The following PRKAG2 variants were observed in gnomAD, a reference collection of about 807,000 sequenced individuals.
PRKAG2 encodes the protein protein kinase AMP-activated non-catalytic subunit gamma 2.
PRKAG2 carries 26 observed loss-of-function variants against 69.6 expected under a neutral mutation model. That is an observed-to-expected ratio of 0.37 (90% CI 0.27 to 0.52). PRKAG2 has a LOEUF of 0.52. PRKAG2 is among the 20% of genes least tolerant of loss of function. The pLI, the probability that PRKAG2 is intolerant of heterozygous loss-of-function variation, is 0.90. For missense variants in PRKAG2, 557 were observed against 740.0 expected, an observed-to-expected ratio of 0.75 and a Z score of 2.87; for synonymous variants, 293 against 285.0, an observed-to-expected ratio of 1.03 and a Z score of -0.28.
chr7:151,857,375 G>C (rs1217386304), intron 1 of PRKAG2, among the ~76,000 whole-genome samples: 1 of 141,468 alleles, frequency 7.1e-6, no homozygotes, highest in African/African-American at 2.6e-5. Context: ...TGCCCAAGGT[G>C]GACCCATCAG....
rs199963585 is a variant in PRKAG2 at position 151,781,394 on chromosome 7, C to T, written c.224G>A (p.Gly75Glu). The change falls in exon 3 of 16, where the codon GGG becomes GAG. Residue 75 changes from glycine to glutamate, a missense_variant. Physicochemically the swap from Gly to Glu is moderately conservative, Grantham distance 98. Coordinates refer to ENST00000287878, the MANE Select transcript of PRKAG2 (RefSeq NM_016203.4). This position sits in a 1 kb window ranked among gnomAD's most constrained non-coding sequence, Gnocchi z 6.1. Reference sequence around the variant, plus strand: ...GGGCTGGGGGCCTCTGGAGAAGAACCCTTTGGAGGGGCTGCCCGGGCCGAA... The same window carrying T: ...GGGCTGGGGGCCTCTGGAGAAGAACTCTTTGGAGGGGCTGCCCGGGCCGAA... ...SPFGPGSPSK[G>E]FFSRGPQPRP... The T allele has an allele frequency of 6.2e-7, 1 of 1,612,008 alleles. No individual in the cohort carries two copies. The highest frequency in any genetic ancestry group is 2.2e-5 in the East Asian group (1 of 44,826).
rs575978483 is a variant in PRKAG2, at chr7:151,576,556, A to G, written c.865-104T>C. 3.9e-4 allele frequency: 393 copies of G among 1,009,658 alleles called. 4 individuals carry two copies. In the African/African-American group the frequency reaches 5.7e-3, roughly 15 times the overall value. The allele number at this position is 1,009,658 out of a possible 1,614,324, so 62.5% of individuals were successfully genotyped here. On this transcript the variant is annotated intron_variant, in intron 6 of 15. Transcript: ENST00000287878. Reference sequence around the variant, plus strand: ...CACTCTGTTGCCCAGGCTGGAGTGCAGTGGCACCATCTTGGCTCACAGCAA... The same window carrying G: ...CACTCTGTTGCCCAGGCTGGAGTGCGGTGGCACCATCTTGGCTCACAGCAA...
chr7:151,636,234 A>T (rs1257267648), intron 4 of PRKAG2, among the ~76,000 whole-genome samples: 3 of 152,180 alleles, frequency 2.0e-5, no homozygotes, highest in Non-Finnish European at 2.9e-5. Context: ...TTTTTGGAAT[A>T]TTCAGAATTG....
intron 4 of PRKAG2, among the ~76,000 whole-genome samples, chr7:151,652,271 G>C (rs1370550575): frequency 6.6e-6 from 1 of 152,148 alleles, no homozygotes; most frequent in African/African-American, 2.4e-5. Context: ...CCGCCTATCT[G>C]TCTGAGGCTC....
intron 5 of PRKAG2, among the ~76,000 whole-genome samples, chr7:151,605,758 T>G (rs1817388309): frequency 2.0e-5 from 3 of 152,010 alleles, no homozygotes; most frequent in Admixed American, 2.0e-4. Context: ...GCCAACATGG[T>G]GAAACCCTGT....
intron 3 of PRKAG2, among the ~76,000 whole-genome samples, chr7:151,770,888 C>G (rs887240167): frequency 3.3e-5 from 5 of 152,192 alleles, no homozygotes; most frequent in African/African-American, 9.7e-5. Flanking sequence ...TAGCATTAAG[C>G]GTTGCAGAGG....
intron 4 of PRKAG2, among the ~76,000 whole-genome samples, chr7:151,660,371 T>C (rs1410217822): frequency 6.6e-6 from 1 of 152,232 alleles, no homozygotes; most frequent in African/African-American, 2.4e-5. Context: ...ACTAAAGTAC[T>C]GTATACTTAG....
chr7:151,791,608 T>G (rs991697914), intron 1 of PRKAG2, among the ~76,000 whole-genome samples: 1 of 152,230 alleles, frequency 6.6e-6, no homozygotes. Context: ...CTTGACCACA[T>G]GTGTTGGAGA....
At chr7:151,729,057 C>G (rs968980898) in intron 3 of PRKAG2, among the ~76,000 whole-genome samples, 3 of 151,706 alleles carry the variant, frequency 2.0e-5, no homozygotes, top group Non-Finnish European at 2.9e-5. Context: ...TCTGGGAGAG[C>G]TGGGCCACTT....
chr7:151,641,049 T>C (rs772462360), intron 4 of PRKAG2, among the ~76,000 whole-genome samples: 1 of 152,100 alleles, frequency 6.6e-6, no homozygotes, highest in Non-Finnish European at 1.5e-5. Flanking sequence ...CCCTTTAGTG[T>C]TGGAATTAAC....
chr7:151,560,482 T>A (rs1804679218), intron 15 of PRKAG2, 42 bp downstream of exon 15: 1 of 1,613,710 alleles, frequency 6.2e-7, no homozygotes. Context: ...CCTCCCACCC[T>A]TCCTAGACGC....
At chr7:151,616,499 CCAG>C (rs2151246935) in intron 5 of PRKAG2, among the ~76,000 whole-genome samples, 1 of 152,340 alleles carries the variant, frequency 6.6e-6, no homozygotes, top group Non-Finnish European at 1.5e-5. Context: ...AACCTGTCTT[CCAG>C]AACTACTGCA....
chr7:151,699,371 T>C lies in PRKAG2; in HGVS notation c.467-23734A>G, dbSNP rs528359241. On this transcript the variant is annotated intron_variant, in intron 3 of 15. Transcript: ENST00000287878. This position sits in a 1 kb window ranked among gnomAD's most constrained non-coding sequence, Gnocchi z 4.5. ...TGGCCGGATGCCTGTGTGGTTACGA[T>C]CCGGTTACATCTCAGCCCCCTGCTG... 1.3e-5 allele frequency among the ~76,000 whole-genome samples: 2 copies of C among 152,292 alleles called. No homozygotes were observed. The highest frequency in any genetic ancestry group is 4.8e-5 in the African/African-American group (2 of 41,558).
intron 3 of PRKAG2, among the ~76,000 whole-genome samples, chr7:151,703,372 T>C (rs1206848322): frequency 6.6e-6 from 1 of 152,216 alleles, no homozygotes; most frequent in Admixed American, 6.5e-5. Context: ...CTGCAGTGTC[T>C]TCTGCCCAGA....
At chr7:151,839,570 G>C (rs974336147) in intron 1 of PRKAG2, among the ~76,000 whole-genome samples, 2 of 152,226 alleles carry the variant, frequency 1.3e-5, no homozygotes, top group African/African-American at 4.8e-5. Context: ...TTTAAATCCG[G>C]TCTGATGATT....
At position 151,705,319 on chromosome 7, in the gene PRKAG2, T is replaced by G. The variant is rs1426947445; in HGVS notation, c.467-29682A>C. Among the ~76,000 whole-genome samples, 3 of 135,200 alleles carry G rather than the reference T, an allele frequency of 2.2e-5. 1 individual carries two copies. The highest frequency in any genetic ancestry group is 9.0e-5 in the African/African-American group (3 of 33,498). 88.7% of individuals were successfully genotyped at this position (135,200 alleles called of 152,430 possible). On this transcript the variant is annotated intron_variant, in intron 3 of 15. Coordinates refer to ENST00000287878, the MANE Select transcript of PRKAG2 (RefSeq NM_016203.4). Reference sequence around the variant, plus strand: ...CGAGCAACACCAAGGAAACAAGGGATTATGGTGTTTTTTCTCTTTTCTCAA... The same window carrying G: ...CGAGCAACACCAAGGAAACAAGGGAGTATGGTGTTTTTTCTCTTTTCTCAA...
rs183121633 is a variant in PRKAG2, at chr7:151,582,528, G to C, written c.865-6076C>G. ...GCAAAGAGAACGTTAAGAATTTAAC[G>C]TGCAAAGTGGTATCTCTTCTGCAAC... is the stretch of plus-strand genomic sequence containing the variant. On this transcript the variant is annotated intron_variant, in intron 6 of 15. Transcript: ENST00000287878. Among the ~76,000 whole-genome samples, 8 of 152,294 alleles carry C rather than the reference G, an allele frequency of 5.3e-5. No homozygotes were observed. The South Asian group carries it at 8.3e-4, about 16-fold the overall frequency.
rs1179431072 is a variant in PRKAG2 at position 151,712,580 on chromosome 7, G to A, written c.467-36943C>T. Among the ~76,000 whole-genome samples, 4 of 152,250 alleles carry A rather than the reference G, an allele frequency of 2.6e-5. No individual in the cohort carries two copies. In the South Asian group the frequency reaches 6.2e-4, roughly 24 times the overall value. ...CGGCCAGAGCCAAGCCCAGGGATGG[G>A]AGGTGCCCACTGGCCTGACCTCGGA... On this transcript the variant is annotated intron_variant, in intron 3 of 15. Coordinates refer to ENST00000287878, the MANE Select transcript of PRKAG2 (RefSeq NM_016203.4).
At chr7:151,868,972 C>G (rs573692849) in intron 1 of PRKAG2, among the ~76,000 whole-genome samples, 1 of 152,162 alleles carries the variant, frequency 6.6e-6, no homozygotes, top group African/African-American at 2.4e-5. Context: ...GATGAAGAGG[C>G]GTTGGCAAAT....
Sources: gnomAD v4.1 joint callset for allele counts (sites outside exome capture counted in the v4.1 genomes callset) on GRCh38, gnomAD v4.1.1 for gene constraint, Gnocchi (gnomAD v3.1) non-coding constraint, MANE v1.5 for transcripts, NCBI Gene and HGNC (gene_info 2026-07-23, HGNC 2026-07-21) for gene names.